RBFOX1: variants seen among roughly 807,000 people sequenced by gnomAD.
RBFOX1 encodes the protein RNA binding protein fox-1 homolog 1.
In RBFOX1, 8 loss-of-function variants were observed where a neutral mutation model predicts 57.7. The ratio of observed to expected loss-of-function variants is 0.14; its 90% CI spans 0.08 to 0.25. The LOEUF (loss-of-function observed/expected upper bound fraction) is 0.25. Among genes scored for constraint, RBFOX1 ranks in the 10% least tolerant of loss-of-function variants. The probability of loss-of-function intolerance (pLI) is 1.00; values close to 1 mark genes in which losing one functional copy is unlikely to be tolerated. For synonymous variants in RBFOX1, 326 were observed against 222.4 expected (o/e 1.47, Z -4.15); for missense variants, 611 against 548.5 (o/e 1.11, Z -1.14).
intron 4 of RBFOX1, among the ~76,000 whole-genome samples, chr16:7,468,351 G>A (rs779665089): frequency 4.6e-5 from 7 of 152,024 alleles, no homozygotes; most frequent in Non-Finnish European, 7.3e-5. Flanking sequence ...TCTCCCCTGC[G>A]TGTATCCCGA....
At chr16:6,057,098 A>G (rs950520969) in intron 1 of RBFOX1, 2 of 152,116 alleles carry the variant, frequency 1.3e-5, no homozygotes, top group African/African-American at 4.8e-5. Context: ...ATATTGCAAT[A>G]AATCAAGTGA....
chr16:7,588,485 T>C (rs112013624), intron 7 of RBFOX1, among the ~76,000 whole-genome samples: 1 of 152,180 alleles, frequency 6.6e-6, no homozygotes, highest in Non-Finnish European at 1.5e-5. Context: ...TGGATCTTGG[T>C]AACCAGAAAG....
intron 2 of RBFOX1, among the ~76,000 whole-genome samples, chr16:6,361,246 T>C (rs1354003332): frequency 1.3e-5 from 2 of 152,056 alleles, no homozygotes; most frequent in African/African-American, 4.8e-5. Flanking sequence ...ATTCTGACAC[T>C]TGAAGCACTG....
intron 3 of RBFOX1, among the ~76,000 whole-genome samples, chr16:6,813,868 C>A (rs1017769795): frequency 6.6e-6 from 1 of 152,070 alleles, no homozygotes; most frequent in Non-Finnish European, 1.5e-5. Flanking sequence ...CTGAGCTCAG[C>A]CAGCCCCTTG....
chr16:5,308,574 C>T (rs908509048), intron 1 of RBFOX1, among the ~76,000 whole-genome samples: 2 of 152,050 alleles, frequency 1.3e-5, no homozygotes, highest in African/African-American at 4.8e-5. Context: ...TTCCTTTAAC[C>T]TCAACAAATT....
chr16:5,713,590 A>G (rs2051574722), intron 3 of RBFOX1, among the ~76,000 whole-genome samples: 1 of 152,196 alleles, frequency 6.6e-6, no homozygotes, highest in Non-Finnish European at 1.5e-5. Context: ...TGATCTGGAA[A>G]TGCCCGGATC....
chr16:5,389,852 C>T (rs964075695), intron 1 of RBFOX1, among the ~76,000 whole-genome samples: 5 of 151,546 alleles, frequency 3.3e-5, no homozygotes, highest in South Asian at 4.2e-4. Flanking sequence ...TGCCTGCCAC[C>T]ACGACCAGCT....
At chr16:7,540,622 A>T (rs1448952204) in intron 5 of RBFOX1, among the ~76,000 whole-genome samples, 1 of 152,232 alleles carries the variant, frequency 6.6e-6, no homozygotes, top group Non-Finnish European at 1.5e-5. Context: ...TGTCATGGAC[A>T]TAAAAGATGT....
chr16:7,507,504 G>T (rs1221090641), intron 4 of RBFOX1, among the ~76,000 whole-genome samples: 1 of 150,836 alleles, frequency 6.6e-6, no homozygotes, highest in Non-Finnish European at 1.5e-5. Flanking sequence ...CACCCTCAGA[G>T]ATTCTGAGGC....
intron 2 of RBFOX1, among the ~76,000 whole-genome samples, chr16:6,400,753 C>T (rs2093036219): frequency 6.6e-6 from 1 of 152,050 alleles, no homozygotes; most frequent in African/African-American, 2.4e-5. Flanking sequence ...CAGAAGTTAA[C>T]CAGGCTTGGT....
At chr16:6,445,649 C>G (rs1476847354) in intron 2 of RBFOX1, among the ~76,000 whole-genome samples, 1 of 143,002 alleles carries the variant, frequency 7.0e-6, no homozygotes, top group Non-Finnish European at 1.5e-5. Context: ...GTGGGACAAT[C>G]TGGGCTCACA....
At chr16:6,432,030 T>C (rs1291351472) in intron 2 of RBFOX1, among the ~76,000 whole-genome samples, 3 of 151,898 alleles carry the variant, frequency 2.0e-5, no homozygotes, top group Admixed American at 1.3e-4. Flanking sequence ...TGCACGACTA[T>C]AGCTTATTGT....
intron 1 of RBFOX1, among the ~76,000 whole-genome samples, chr16:6,254,067 C>T (rs1368328043): frequency 1.3e-5 from 2 of 152,148 alleles, no homozygotes; most frequent in East Asian, 3.9e-4. Context: ...AATGGAAAGA[C>T]AAACTTACGA....
At chr16:7,005,788 C>G (rs1036491886) in intron 3 of RBFOX1, among the ~76,000 whole-genome samples, 1 of 152,122 alleles carries the variant, frequency 6.6e-6, no homozygotes, top group African/African-American at 2.4e-5. Flanking sequence ...CGCAAGATGA[C>G]CATTCATCTT....
At chr16:7,429,949 T>C (rs17648790) in intron 4 of RBFOX1, among the ~76,000 whole-genome samples, 48,774 of 152,088 alleles carry the variant, frequency 0.32, 9,134 homozygotes, top group Non-Finnish European at 0.43. Flanking sequence ...GTGACAGTGT[T>C]GCATTGACCT....
intron 3 of RBFOX1, among the ~76,000 whole-genome samples, chr16:6,982,207 C>T (rs1170306475): frequency 1.3e-5 from 2 of 152,068 alleles, no homozygotes; most frequent in Non-Finnish European, 2.9e-5. Context: ...TGAGAATGGT[C>T]CTGTGGTTGG....
At chr16:6,436,515 T>C (rs1165290511) in intron 2 of RBFOX1, among the ~76,000 whole-genome samples, 1 of 150,280 alleles carries the variant, frequency 6.7e-6, no homozygotes, top group African/African-American at 2.4e-5. Flanking sequence ...TCTTCACTTT[T>C]TTTTTTTTTT....
chr16:6,863,725 C>T (rs1434556782), intron 3 of RBFOX1, among the ~76,000 whole-genome samples: 16 of 67,764 alleles, frequency 2.4e-4, no homozygotes, highest in South Asian at 2.0e-3. Flanking sequence ...GATGCCTGCG[C>T]TTTTTTTTTT....
chr16:6,998,319 G>A lies in RBFOX1; in HGVS notation c.-15-53738G>A, dbSNP rs181816808. ...ACTGAAGGATGAACAACACTCATTA[G>A]TGTCTTCCATTGTGTTCAAGTGTTT... is the stretch of plus-strand genomic sequence containing the variant. On this transcript the variant is annotated intron_variant, in intron 3 of 15. Transcript: ENST00000550418. Among the ~76,000 whole-genome samples, 13 of 152,272 alleles carry A rather than the reference G, an allele frequency of 8.5e-5. No individual in the cohort carries two copies. The East Asian group carries it at 2.5e-3, about 29-fold the overall frequency.
Sources: gnomAD v4.1 joint callset for allele counts (sites outside exome capture counted in the v4.1 genomes callset) on GRCh38, gnomAD v4.1.1 for gene constraint, MANE v1.5 for transcripts, NCBI Gene and HGNC (gene_info 2026-07-23, HGNC 2026-07-21) for gene names.